The following SPATA7 variants were observed in gnomAD, a reference collection of about 807,000 sequenced individuals.
SPATA7 encodes spermatogenesis associated 7.
Under a neutral mutation model 51.8 loss-of-function variants are expected in SPATA7, and 43 were observed. The observed-to-expected ratio is 0.83, with a 90% CI of 0.65 to 1.07. The LOEUF (loss-of-function observed/expected upper bound fraction) is 1.07, where lower values mean the gene tolerates loss of function less well. SPATA7 is among the 50% of genes least tolerant of loss of function. SPATA7 has a pLI of 0.00. For synonymous variants in SPATA7, 230 were observed against 252.8 expected (o/e 0.91, Z 0.86); for missense variants, 683 against 701.3 (o/e 0.97, Z 0.30).
At chr14:88,452,030 T>C (rs2140050292) in intron 3 of SPATA7, among the ~76,000 whole-genome samples, 1 of 152,314 alleles carries the variant, frequency 6.6e-6, no homozygotes, top group African/African-American at 2.4e-5. Context: ...GCTTTTCTGG[T>C]TCCTTCTCAT....
intron 4 of SPATA7, among the ~76,000 whole-genome samples, chr14:88,408,802 G>A (rs538015251): frequency 2.0e-5 from 3 of 152,222 alleles, no homozygotes; most frequent in Non-Finnish European, 4.4e-5. Flanking sequence ...AGTTTATTGA[G>A]GGTTTTTAGC....
intron 3 of SPATA7, among the ~76,000 whole-genome samples, chr14:88,446,704 A>C (rs891814255): frequency 1.3e-4 from 20 of 152,268 alleles, no homozygotes; most frequent in African/African-American, 4.6e-4. Context: ...CGTTGGTTTC[A>C]AAGAACATCT....
At chr14:88,443,578 C>T (rs546512448) in intron 3 of SPATA7, among the ~76,000 whole-genome samples, 1 of 152,204 alleles carries the variant, frequency 6.6e-6, no homozygotes, top group South Asian at 2.1e-4. Flanking sequence ...GTGCGCTGCA[C>T]CCACTAACTG....
intron 5 of SPATA7, among the ~76,000 whole-genome samples, chr14:88,419,207 T>A (rs1329277035): frequency 6.6e-6 from 1 of 152,142 alleles, no homozygotes; most frequent in African/African-American, 2.4e-5. Flanking sequence ...TTGATTTACA[T>A]ATTTTGAATG....
rs2077137576 is a variant in SPATA7 at position 88,437,992 on chromosome 14, A to AAGT, written c.1372_1374dup (p.Val458dup). 3 of 1,614,086 alleles carry AAGT rather than the reference A, an allele frequency of 1.9e-6. No homozygotes were observed. Among genetic ancestry groups the AAGT allele is most frequent in the Non-Finnish European group, 2.5e-6 (3 of 1,180,002 alleles). ...CCAAATGAATTAAAAAATGAAAGTG[A>AAGT]AGTAACAATTCAGCAGGAACGTCAA... On this transcript the variant is annotated inframe_insertion, in exon 12 of 12. Transcript: ENST00000393545.
intron 10 of SPATA7, among the ~76,000 whole-genome samples, chr14:88,434,293 A>AAT (rs2077017377): frequency 6.6e-6 from 1 of 152,214 alleles, no homozygotes; most frequent in South Asian, 2.1e-4. Context: ...TAAACTGTGG[A>AAT]ATATATATGA....
At chr14:88,435,698 A>G (rs1358696690) in intron 10 of SPATA7, among the ~76,000 whole-genome samples, 1 of 152,144 alleles carries the variant, frequency 6.6e-6, no homozygotes, top group Non-Finnish European at 1.5e-5. Flanking sequence ...TTTCTGTGCC[A>G]GGCTCATTTC....
At chr14:88,399,712 G>T (rs193010908) in intron 4 of SPATA7, among the ~76,000 whole-genome samples, 16 of 152,220 alleles carry the variant, frequency 1.1e-4, no homozygotes, top group Admixed American at 9.2e-4. Context: ...GAGCCACCGC[G>T]CCTGGCCTTA....
chr14:88,413,179 C>T (rs773740467), intron 4 of SPATA7, among the ~76,000 whole-genome samples: 7 of 152,138 alleles, frequency 4.6e-5, no homozygotes, highest in South Asian at 2.1e-4. Context: ...TTCCAATCCA[C>T]GAACATGGAA....
downstream of SPATA7, among the ~76,000 whole-genome samples, chr14:88,441,967 G>C (rs1293648809): frequency 6.6e-6 from 1 of 152,100 alleles, no homozygotes; most frequent in Non-Finnish European, 1.5e-5. Context: ...AATTTTTATA[G>C]TTTCAGGTCT....
rs2077429756 is a variant in SPATA7, at chr14:88,469,796, A to G, written c.255-51A>G. 1 of 1,599,622 alleles carries G rather than the reference A, an allele frequency of 6.3e-7. No individual in the cohort carries two copies. The highest frequency in any genetic ancestry group is 1.3e-5 in the African/African-American group (1 of 74,558). On this transcript the variant is annotated intron_variant, in intron 4 of 4. Coordinates refer to the SPATA7 transcript ENST00000556406. This position sits in a 1 kb window ranked among gnomAD's most constrained non-coding sequence, Gnocchi z 4.3. ...GGCAATGGATGCCTTTCTCACATAG[A>G]CGGCACATCTGAAACAGAACCACAA...
intron 4 of SPATA7, among the ~76,000 whole-genome samples, chr14:88,463,196 C>G (rs184651275): frequency 6.6e-6 from 1 of 152,150 alleles, no homozygotes; most frequent in Admixed American, 6.5e-5. Context: ...CCATTTCAAG[C>G]CAGTAATATT....
At position 88,467,714 on chromosome 14, in the gene SPATA7, CT is replaced by C. The variant is rs1391354056; in HGVS notation, c.255-2132del. The C allele has an allele frequency of 1.7e-5, 3 of 174,614 alleles. No individual in the cohort carries two copies. The Admixed American group carries it at 1.9e-4, about 11-fold the overall frequency. The allele number at this position is 174,614 out of a possible 1,614,324, so 10.8% of individuals were successfully genotyped here. A position where few individuals can be genotyped will look rare whatever the true frequency, so the allele number is the denominator to read the frequency against. On this transcript the variant is annotated intron_variant, in intron 4 of 4. Transcript: ENST00000556406. ...CATCCTTACACAAAGTTGTTTCTCA[CT>C]AGAAAAATCCCTAAATATTTGTCAT...
At chr14:88,393,664 T>A in intron 3 of SPATA7, 176 bp downstream of exon 3, 1 of 524,608 alleles carries the variant, frequency 1.9e-6, no homozygotes, top group Non-Finnish European at 3.4e-6. Context: ...TCATACCCAT[T>A]TTTGTTAACT....
intron 4 of SPATA7, among the ~76,000 whole-genome samples, chr14:88,412,202 G>T (rs191997670): frequency 6.8e-6 from 1 of 147,962 alleles, no homozygotes; most frequent in African/African-American, 2.5e-5. Flanking sequence ...TTTTAATGGG[G>T]TTATTTGTTT....
intron 2 of SPATA7, 151 bp from the exon 3 acceptor site, chr14:88,393,242 G>T: frequency 1.6e-6 from 1 of 620,156 alleles, no homozygotes; most frequent in Non-Finnish European, 2.8e-6. Context: ...ATCAGTGCAA[G>T]ATTAAAGCTT....
chr14:88,460,701 T>C (rs1435221537), intron 4 of SPATA7, among the ~76,000 whole-genome samples: 1 of 152,234 alleles, frequency 6.6e-6, no homozygotes, highest in Non-Finnish European at 1.5e-5. Context: ...AGCCTTCTTC[T>C]CTCAACTTGT....
intron 4 of SPATA7, among the ~76,000 whole-genome samples, chr14:88,405,120 C>G (rs954371839): frequency 2.0e-5 from 3 of 152,204 alleles, no homozygotes; most frequent in Admixed American, 6.5e-5. Context: ...AAAAAGCAAT[C>G]CAGACAGAGG....
At chr14:88,462,684 A>T (rs559181770) in intron 4 of SPATA7, among the ~76,000 whole-genome samples, 11 of 152,344 alleles carry the variant, frequency 7.2e-5, no homozygotes, top group African/African-American at 2.6e-4. Flanking sequence ...CACATTGTCG[A>T]TTCAGAGCCA....
Sources: gnomAD v4.1 joint callset for allele counts (sites outside exome capture counted in the v4.1 genomes callset) on GRCh38, gnomAD v4.1.1 for gene constraint, Gnocchi (gnomAD v3.1) non-coding constraint, MANE v1.5 for transcripts, NCBI Gene and HGNC (gene_info 2026-07-23, HGNC 2026-07-21) for gene names.